The following DNMT3A variants were observed in gnomAD, a reference collection of about 807,000 sequenced individuals.
DNMT3A encodes DNA (cytosine-5)-methyltransferase 3A.
A neutral mutation model predicts 117.6 loss-of-function variants in DNMT3A; 267 were observed. The observed-to-expected ratio is 2.27, with a 90% CI of 2.05 to 2.51. The LOEUF (loss-of-function observed/expected upper bound fraction) is 2.51, where lower values mean the gene tolerates loss of function less well. Ranked by LOEUF, DNMT3A falls within the 30% of genes most tolerant of loss-of-function variation. The pLI is 0.00. For synonymous variants in DNMT3A, 432 were observed against 474.8 expected, an observed-to-expected ratio of 0.91 and a Z score of 1.17; for missense variants, 1,029 against 1,260.2, an observed-to-expected ratio of 0.82 and a Z score of 2.78.
intron 4 of DNMT3A, among the ~76,000 whole-genome samples, chr2:25,276,409 C>T (rs1009694159): frequency 2.0e-5 from 3 of 152,170 alleles, no homozygotes; most frequent in African/African-American, 7.2e-5. Flanking sequence ...ACTGTAGGTG[C>T]TCAATACATG....
chr2:25,297,241 TTTCCCAACAGCTGAC>T (rs1316285597), intron 3 of DNMT3A, among the ~76,000 whole-genome samples: 3 of 152,126 alleles, frequency 2.0e-5, no homozygotes, highest in Non-Finnish European at 2.9e-5. Context: ...AAGGAGTTGC[TTTCCCAACAGCTGAC>T]TTCCCAATCA....
At chr2:25,335,504 G>C (rs920095852) in intron 1 of DNMT3A, among the ~76,000 whole-genome samples, 5 of 152,154 alleles carry the variant, frequency 3.3e-5, no homozygotes, top group Admixed American at 3.3e-4. Flanking sequence ...CAACAGCTTA[G>C]TGAGATGCAA....
At chr2:25,336,024 T>C (rs1327278813) in intron 1 of DNMT3A, among the ~76,000 whole-genome samples, 1 of 151,962 alleles carries the variant, frequency 6.6e-6, no homozygotes, top group Non-Finnish European at 1.5e-5. Flanking sequence ...GCACCTCCCT[T>C]ACCCCCACCT....
rs983914660 is a variant in DNMT3A, at chr2:25,304,972, G to A, written c.73-4729C>T. The stretch of plus-strand genomic sequence containing the variant: ...TAGTTCCCCTACCCAGCAAGGCAAC[G>A]GTCAGCTCCTTGAGGGAAGTGTGGG... On this transcript the variant is annotated intron_variant, in intron 2 of 22. Coordinates refer to ENST00000321117, the MANE Select transcript of DNMT3A (RefSeq NM_022552.5). This position sits in a 1 kb window ranked among gnomAD's most constrained non-coding sequence, Gnocchi z 4.3. Among the ~76,000 whole-genome samples the A allele has an allele frequency of 6.6e-6, 1 of 152,222 alleles. No homozygotes were observed. Among genetic ancestry groups the A allele is most frequent in the African/African-American group, 2.4e-5 (1 of 41,446 alleles).
chr2:25,312,286 AGC>A (rs1310397427), intron 2 of DNMT3A, among the ~76,000 whole-genome samples: 1 of 152,142 alleles, frequency 6.6e-6, no homozygotes, highest in Non-Finnish European at 1.5e-5. Context: ...TTGAGTCCTG[AGC>A]GGGGGCAGCC....
intron 21 of DNMT3A, 110 bp from the exon 22 acceptor site, chr2:25,235,935 T>G (rs1040361731): frequency 3.9e-6 from 4 of 1,013,594 alleles, no homozygotes; most frequent in Non-Finnish European, 4.7e-6. Flanking sequence ...CAGGGCCTGG[T>G]CCACCCAGGG....
chr2:25,280,328 A>AC (rs2031793957), intron 4 of DNMT3A, among the ~76,000 whole-genome samples: 1 of 17,130 alleles, frequency 5.8e-5, no homozygotes, highest in Non-Finnish European at 1.3e-4. Flanking sequence ...CCGCCCCCCC[A>AC]CCCCCCACCC....
chr2:25,342,007 C>A, upstream of DNMT3A: 2 of 918,836 alleles, frequency 2.2e-6, no homozygotes, highest in Non-Finnish European at 2.6e-6. The surrounding 1 kb of genome is among the most constrained non-coding windows in gnomAD (Gnocchi z 5.9). Flanking sequence ...CCTCTCTCCG[C>A]CTCCTCCGCC....
At chr2:25,320,575 G>A (rs1295275849) in intron 1 of DNMT3A, among the ~76,000 whole-genome samples, 1 of 151,932 alleles carries the variant, frequency 6.6e-6, no homozygotes, top group Non-Finnish European at 1.5e-5. Context: ...TATATTAGAA[G>A]TTGTGGTAGG....
intron 6 of DNMT3A, among the ~76,000 whole-genome samples, chr2:25,260,747 C>T (rs1234889565): frequency 6.6e-6 from 1 of 152,206 alleles, no homozygotes; most frequent in Non-Finnish European, 1.5e-5. Flanking sequence ...GGAGCACACA[C>T]ACACACTCAC....
At chr2:25,299,119 AG>A (rs199768592) in intron 3 of DNMT3A, among the ~76,000 whole-genome samples, 1 of 152,174 alleles carries the variant, frequency 6.6e-6, no homozygotes. Flanking sequence ...CTCAGCTGGA[AG>A]GGGGGTAAAA....
chr2:25,281,047 G>A lies in DNMT3A; in HGVS notation c.448+1394C>T, dbSNP rs1331253909. 6.6e-6 allele frequency among the ~76,000 whole-genome samples: 1 copy of A among 152,168 alleles called. No homozygotes were observed. The highest frequency in any genetic ancestry group is 2.4e-5 in the African/African-American group (1 of 41,434). ...TGGGTTCTCTCACACACCTGGCATT[G>A]TTAATGGGAAGGATGGTGTCTTCTC... On this transcript the variant is annotated intron_variant, in intron 4 of 22. Transcript: ENST00000321117. The surrounding 1 kb of genome is among the most constrained non-coding windows in gnomAD (Gnocchi z 4.8).
chr2:25,275,202 T>G (rs1573403659), intron 5 of DNMT3A, 115 bp from the exon 6 acceptor site: 1 of 1,376,674 alleles, frequency 7.3e-7, no homozygotes, highest in Non-Finnish European at 9.6e-7. Flanking sequence ...AGGGCACCCC[T>G]GGGAGTGCTG....
intron 6 of DNMT3A, among the ~76,000 whole-genome samples, chr2:25,264,517 G>C (rs2030084400): frequency 6.6e-6 from 1 of 151,674 alleles, no homozygotes. Flanking sequence ...GCCCAGGCTG[G>C]AGTGCAGTGG....
intron 10 of DNMT3A, 105 bp downstream of exon 10, chr2:25,246,515 C>T: frequency 6.6e-7 from 1 of 1,503,810 alleles, no homozygotes; most frequent in Non-Finnish European, 8.9e-7. Context: ...CCACTGGGCC[C>T]CTCTGTGGAG....
chr2:25,309,927 G>A (rs1322412618), intron 2 of DNMT3A, among the ~76,000 whole-genome samples: 2 of 152,004 alleles, frequency 1.3e-5, no homozygotes, highest in Non-Finnish European at 2.9e-5. Flanking sequence ...GGCATGGCGG[G>A]CGCCTGTAGT....
At chr2:25,326,105 T>TAG in intron 1 of DNMT3A, among the ~76,000 whole-genome samples, 1 of 124,938 alleles carries the variant, frequency 8.0e-6, no homozygotes. Flanking sequence ...TAACTTGATA[T>TAG]ATATGTGTGT....
At chr2:25,308,686 A>G (rs1245079861) in intron 2 of DNMT3A, among the ~76,000 whole-genome samples, 2 of 152,128 alleles carry the variant, frequency 1.3e-5, no homozygotes, top group African/African-American at 4.8e-5. Context: ...AAATGACCTT[A>G]CCGCAACCAC....
At chr2:25,330,701 G>A (rs1195069999) in intron 1 of DNMT3A, among the ~76,000 whole-genome samples, 1 of 152,204 alleles carries the variant, frequency 6.6e-6, no homozygotes, top group East Asian at 1.9e-4. Flanking sequence ...CAGCTACAGG[G>A]CAAGGTCCCA....
Sources: gnomAD v4.1 joint callset for allele counts (sites outside exome capture counted in the v4.1 genomes callset) on GRCh38, gnomAD v4.1.1 for gene constraint, Gnocchi (gnomAD v3.1) non-coding constraint, MANE v1.5 for transcripts, NCBI Gene and HGNC (gene_info 2026-07-23, HGNC 2026-07-21) for gene names.